The following DAB1 variants were observed in gnomAD, a reference collection of about 807,000 sequenced individuals.
DAB1 encodes the protein DAB adaptor protein 1, also known as disabled homolog 1.
Under a neutral mutation model 64.6 loss-of-function variants are expected in DAB1, and 15 were observed. The ratio of observed to expected loss-of-function variants is 0.23; its 90% CI spans 0.16 to 0.36. DAB1 has a LOEUF of 0.36. Among genes scored for constraint, DAB1 ranks in the 10% least tolerant of loss-of-function variants. The pLI, the probability that DAB1 is intolerant of heterozygous loss-of-function variation, is 1.00. For synonymous variants in DAB1, 235 were observed against 251.9 expected (o/e 0.93, Z 0.64); for missense variants, 596 against 706.7 (o/e 0.84, Z 1.78).
chr1:58,016,147 T>C (rs1478851820), intron 5 of DAB1, among the ~76,000 whole-genome samples: 1 of 152,158 alleles, frequency 6.6e-6, no homozygotes, highest in African/African-American at 2.4e-5. Context: ...ACTGTGTAAA[T>C]TGGGGGTCAG....
chr1:57,175,793 G>T (rs948036619), intron 2 of DAB1, among the ~76,000 whole-genome samples: 1 of 152,142 alleles, frequency 6.6e-6, no homozygotes, highest in African/African-American at 2.4e-5. Flanking sequence ...AGCGTACCAG[G>T]TACTGGGCGC....
intron 1 of DAB1, among the ~76,000 whole-genome samples, chr1:57,367,541 C>T (rs775096595): frequency 3.3e-5 from 5 of 152,122 alleles, no homozygotes; most frequent in Non-Finnish European, 7.4e-5. Flanking sequence ...GCAAATGCTC[C>T]CAAAATGGCA....
At chr1:57,719,572 A>G (rs114476389) in intron 6 of DAB1, among the ~76,000 whole-genome samples, 2,015 of 152,308 alleles carry the variant, frequency 0.013, 40 homozygotes, top group African/African-American at 0.046. Context: ...TGTTCTCCTG[A>G]TAGTGAGTGA....
At chr1:58,437,495 C>T (rs974222697) in intron 3 of DAB1, among the ~76,000 whole-genome samples, 3 of 152,118 alleles carry the variant, frequency 2.0e-5, no homozygotes, top group Admixed American at 2.0e-4. Context: ...AATATAGTGT[C>T]CCTTCACCAT....
At chr1:58,490,262 T>C (rs1645656569) in intron 3 of DAB1, among the ~76,000 whole-genome samples, 1 of 152,140 alleles carries the variant, frequency 6.6e-6, no homozygotes, top group Non-Finnish European at 1.5e-5. Flanking sequence ...CTGATGGAGC[T>C]GAAAACCATG....
At chr1:57,418,303 G>A (rs1311023207) in intron 1 of DAB1, among the ~76,000 whole-genome samples, 1 of 152,100 alleles carries the variant, frequency 6.6e-6, no homozygotes, top group Non-Finnish European at 1.5e-5. Context: ...TAAAAACAAA[G>A]AGACATAAAG....
At chr1:57,813,576 G>C (rs1473694720) in intron 6 of DAB1, among the ~76,000 whole-genome samples, 1 of 152,236 alleles carries the variant, frequency 6.6e-6, no homozygotes, top group Non-Finnish European at 1.5e-5. Context: ...GAACACAGAA[G>C]GGGGAGGTCT....
At chr1:57,094,126 G>A (rs28527434) in intron 4 of DAB1, among the ~76,000 whole-genome samples, 73,669 of 142,212 alleles carry the variant, frequency 0.52, 19,718 homozygotes, top group South Asian at 0.64. Flanking sequence ...AAAAAAAAAA[G>A]GAATCTTGGA....
At chr1:57,879,923 T>C (rs1644116338) in intron 1 of DAB1, among the ~76,000 whole-genome samples, 1 of 152,102 alleles carries the variant, frequency 6.6e-6, no homozygotes, top group Non-Finnish European at 1.5e-5. Context: ...CAGAGGAAAG[T>C]GGAGTTTCCC....
At chr1:58,252,442 A>T (rs1660826158) in intron 4 of DAB1, among the ~76,000 whole-genome samples, 1 of 152,208 alleles carries the variant, frequency 6.6e-6, no homozygotes, top group African/African-American at 2.4e-5. Flanking sequence ...CATATAAAGC[A>T]CTCAAGATAT....
At chr1:57,782,358 G>T (rs1347575794) in intron 6 of DAB1, among the ~76,000 whole-genome samples, 1 of 152,144 alleles carries the variant, frequency 6.6e-6, no homozygotes, top group East Asian at 1.9e-4. Context: ...AGTTTTTTAA[G>T]TCTCACAACT....
chr1:58,433,039 A>C (rs1002499017), intron 3 of DAB1, among the ~76,000 whole-genome samples: 3 of 152,158 alleles, frequency 2.0e-5, no homozygotes, highest in African/African-American at 7.2e-5. Context: ...CTGTGCTCCC[A>C]TGTGTGGATA....
At chr1:58,503,498 T>C (rs1317632429) in intron 3 of DAB1, among the ~76,000 whole-genome samples, 2 of 152,036 alleles carry the variant, frequency 1.3e-5, no homozygotes, top group Admixed American at 6.6e-5. Context: ...TGATATAGAG[T>C]GAATGTCTGT....
At chr1:58,315,565 A>G (rs2100478931) in intron 4 of DAB1, among the ~76,000 whole-genome samples, 1 of 152,334 alleles carries the variant, frequency 6.6e-6, no homozygotes, top group East Asian at 1.9e-4. Flanking sequence ...ATAGTTTGAT[A>G]TCTGTAGTGT....
chr1:57,539,569 G>C (rs1644776146), intron 7 of DAB1, among the ~76,000 whole-genome samples: 1 of 152,032 alleles, frequency 6.6e-6, no homozygotes, highest in South Asian at 2.1e-4. Flanking sequence ...AGAATCCAGA[G>C]GACAGAATGC....
intron 5 of DAB1, among the ~76,000 whole-genome samples, chr1:57,998,389 C>CT (rs3991037): frequency 0.027 from 3,431 of 128,750 alleles, 85 homozygotes; most frequent in African/African-American, 0.055. Flanking sequence ...TTTTTTCTCT[C>CT]TTTTTTTTTT....
intron 1 of DAB1, among the ~76,000 whole-genome samples, chr1:57,327,598 T>G (rs532478299): frequency 3.9e-5 from 6 of 152,172 alleles, no homozygotes; most frequent in Non-Finnish European, 7.4e-5. Context: ...AAAAAGAGGT[T>G]AAGAGATCAC....
At chr1:57,490,837 T>A (rs575054564) in intron 7 of DAB1, among the ~76,000 whole-genome samples, 1 of 152,198 alleles carries the variant, frequency 6.6e-6, no homozygotes, top group East Asian at 1.9e-4. Flanking sequence ...AGGTAGAGAG[T>A]TGATACAAAT....
At chr1:58,173,104 T>C (rs1656269088) in intron 4 of DAB1, among the ~76,000 whole-genome samples, 1 of 152,186 alleles carries the variant, frequency 6.6e-6, no homozygotes, top group South Asian at 2.1e-4. Context: ...GAACCTCCCA[T>C]TAGAAATACC....
Sources: gnomAD v4.1 joint callset for allele counts (sites outside exome capture counted in the v4.1 genomes callset) on GRCh38, gnomAD v4.1.1 for gene constraint, MANE v1.5 for transcripts, NCBI Gene and HGNC (gene_info 2026-07-23, HGNC 2026-07-21) for gene names.